HINT3: variants seen among roughly 807,000 people sequenced by gnomAD.
HINT3 encodes adenosine 5'-monophosphoramidase HINT3.
HINT3 carries 16 observed loss-of-function variants against 19.1 expected under a neutral mutation model. The observed-to-expected ratio is 0.84, with a 90% CI of 0.57 to 1.27. HINT3 has a LOEUF of 1.27. Among genes scored for constraint, HINT3 ranks in the 50% most tolerant of loss-of-function variants. The pLI is 0.00. For missense variants in HINT3, 197 were observed against 225.8 expected (o/e 0.87, Z 0.82); for synonymous variants, 75 against 84.8 (o/e 0.88, Z 0.63).
At chr6:125,974,998 G>A (rs1237514199) in intron 4 of HINT3, 25 bp downstream of exon 4, 1 of 1,605,576 alleles carries the variant, frequency 6.2e-7, no homozygotes, top group East Asian at 2.2e-5. Context: ...TATGTCAGCA[G>A]CATACAAAAA....
intron 1 of HINT3, among the ~76,000 whole-genome samples, chr6:125,960,655 T>TGCGGGGG (rs1554209589): frequency 1.8e-4 from 14 of 76,262 alleles, no homozygotes; most frequent in African/African-American, 4.2e-4. Context: ...AGACTCTCTC[T>TGCGGGGG]GGGGGGGGGG....
intron 2 of HINT3, among the ~76,000 whole-genome samples, chr6:125,968,669 G>A (rs566719257): frequency 6.6e-6 from 1 of 152,218 alleles, no homozygotes; most frequent in Admixed American, 6.5e-5. Context: ...TGCCTTACCA[G>A]CATCTGTTAT....
chr6:125,962,251 C>CACACATATATATATAT (rs1788948459), intron 1 of HINT3, among the ~76,000 whole-genome samples: 3 of 9,926 alleles, frequency 3.0e-4, no homozygotes, highest in Non-Finnish European at 5.1e-4. Context: ...TATATATATA[C>CACACATATATATATAT]ACACATATAT....
intron 1 of HINT3, among the ~76,000 whole-genome samples, chr6:125,965,901 G>T (rs534192029): frequency 6.6e-6 from 1 of 152,088 alleles, no homozygotes; most frequent in Admixed American, 6.5e-5. Flanking sequence ...GATTAAAATT[G>T]ATATATAATT....
chr6:125,970,958 C>G (rs1380046566), intron 2 of HINT3, among the ~76,000 whole-genome samples: 1 of 152,140 alleles, frequency 6.6e-6, no homozygotes, highest in East Asian at 1.9e-4. Context: ...CCAGCTCAAA[C>G]CTGACTTAAA....
At chr6:125,971,616 C>T (rs1028015829) in intron 2 of HINT3, among the ~76,000 whole-genome samples, 1 of 151,788 alleles carries the variant, frequency 6.6e-6, no homozygotes, top group Non-Finnish European at 1.5e-5. Context: ...CTCACTGCAG[C>T]CTCGACCTCC....
At chr6:125,977,117 C>T (rs1789190398) in intron 4 of HINT3, among the ~76,000 whole-genome samples, 2 of 152,154 alleles carry the variant, frequency 1.3e-5, no homozygotes, top group African/African-American at 4.8e-5. Context: ...GTTTTATATT[C>T]TGTGGGTTTT....
rs180766146 is a variant in HINT3, at chr6:125,963,648, C to T, written c.202-3239C>T. Among the ~76,000 whole-genome samples the T allele has an allele frequency of 3.1e-3, 474 of 152,228 alleles. 1 individual carries two copies. Among genetic ancestry groups the T allele is most frequent in the African/African-American group, 0.011 (441 of 41,524 alleles). On this transcript the variant is annotated intron_variant, in intron 1 of 4. Transcript: ENST00000229633. ...CTTCCCTGGGGCAGAGCAGAGGTGG[C>T]AGGAGAAAAACAATTTTTATTCTTT...
intron 2 of HINT3, among the ~76,000 whole-genome samples, chr6:125,969,042 G>A (rs554181480): frequency 2.6e-5 from 4 of 152,110 alleles, no homozygotes; most frequent in Admixed American, 2.0e-4. Flanking sequence ...TGTTTTTATT[G>A]CGTTGCTCTT....
intron 3 of HINT3, among the ~76,000 whole-genome samples, chr6:125,973,348 G>C (rs1157201277): frequency 1.3e-5 from 2 of 151,890 alleles, no homozygotes; most frequent in Admixed American, 6.5e-5. Context: ...CAAAATGCTG[G>C]GATTACAGGC....
intron 4 of HINT3, among the ~76,000 whole-genome samples, chr6:125,976,517 GTT>G (rs756368776): frequency 8.0e-5 from 9 of 113,094 alleles, no homozygotes; most frequent in African/African-American, 2.3e-4. Context: ...GCTGGTTTGG[GTT>G]TTTTTTTTTT....
intron 2 of HINT3, among the ~76,000 whole-genome samples, chr6:125,971,833 C>T (rs1789105887): frequency 6.7e-6 from 1 of 149,644 alleles, no homozygotes; most frequent in Admixed American, 6.7e-5. Context: ...CCTCAGCCTC[C>T]CGAGTAGCTG....
chr6:125,960,660 G>C (rs1160185506), intron 1 of HINT3, among the ~76,000 whole-genome samples: 1 of 145,548 alleles, frequency 6.9e-6, no homozygotes, highest in Admixed American at 6.9e-5. Flanking sequence ...CTCTCTGGGG[G>C]GGGGGAAAAA....
In HINT3 at chr6:125,956,940, G is replaced by A. The variant is rs757040249; in HGVS notation, c.-38G>A. On this transcript the variant is annotated 5_prime_UTR_variant, in exon 1 of 5. Transcript: ENST00000229633. ...GAGACTGCGCGGGCCCGGTAGCCCTGGAGAGGCCGAGGCTCTAGGCCGCGA... is the reference window on the plus strand; with the variant it reads ...GAGACTGCGCGGGCCCGGTAGCCCTAGAGAGGCCGAGGCTCTAGGCCGCGA... 1.9e-6 allele frequency: 3 copies of A among 1,541,048 alleles called. No individual in the cohort carries two copies. The South Asian group carries it at 3.6e-5, about 18-fold the overall frequency.
chr6:125,969,837 A>G (rs985911309), intron 2 of HINT3, among the ~76,000 whole-genome samples: 1 of 152,162 alleles, frequency 6.6e-6, no homozygotes, highest in African/African-American at 2.4e-5. Flanking sequence ...TTGAATTTGT[A>G]TCCCGAAACT....
intron 2 of HINT3, among the ~76,000 whole-genome samples, chr6:125,971,923 G>A (rs2128711764): frequency 6.6e-6 from 1 of 152,180 alleles, no homozygotes; most frequent in East Asian, 1.9e-4. Context: ...ATGTTGGCCA[G>A]GATGGTCTCG....
chr6:125,972,230 T>C, intron 2 of HINT3, 29 bp from the exon 3 acceptor site: 1 of 1,433,986 alleles, frequency 7.0e-7, no homozygotes, highest in Non-Finnish European at 9.6e-7. Context: ...TCTCCTCTAG[T>C]GTAATGTTGT....
chr6:125,976,274 G>T (rs1789177367), intron 4 of HINT3, among the ~76,000 whole-genome samples: 1 of 152,090 alleles, frequency 6.6e-6, no homozygotes. Flanking sequence ...AGCTGGGTAT[G>T]GTGGTGCATG....
At chr6:125,974,765 A>T in intron 3 of HINT3, 82 bp from the exon 4 acceptor site, 1 of 1,395,934 alleles carries the variant, frequency 7.2e-7, no homozygotes, top group Non-Finnish European at 1.0e-6. Flanking sequence ...TTTGGATCTC[A>T]TTAAAATTTA....
Sources: allele counts gnomAD v4.1 joint callset (sites outside exome capture counted in the v4.1 genomes callset), GRCh38; gene constraint gnomAD v4.1.1; transcripts MANE v1.5; gene names NCBI Gene and HGNC (gene_info 2026-07-23, HGNC 2026-07-21).